The following SYN3 variants were observed in gnomAD, a reference collection of about 807,000 sequenced individuals.
SYN3 encodes the protein synapsin-3.
SYN3 carries 35 observed loss-of-function variants against 65.8 expected under a neutral mutation model. The observed-to-expected ratio is 0.53, with a 90% CI of 0.41 to 0.70. The LOEUF (loss-of-function observed/expected upper bound fraction) is 0.70. SYN3 is among the 30% of genes least tolerant of loss of function. SYN3 has a pLI of 0.00. For missense variants in SYN3, 680 were observed against 749.0 expected, an observed-to-expected ratio of 0.91 and a Z score of 1.08; for synonymous variants, 270 against 292.9, an observed-to-expected ratio of 0.92 and a Z score of 0.80.
At chr22:32,872,690 G>A (rs891566337) in intron 4 of SYN3, among the ~76,000 whole-genome samples, 3 of 152,158 alleles carry the variant, frequency 2.0e-5, no homozygotes, top group Non-Finnish European at 4.4e-5. Context: ...ACTGACTTAA[G>A]CTGGGCAACC....
At position 32,520,306 on chromosome 22, in the gene SYN3, C is replaced by T. The variant is rs868305010; in HGVS notation, c.1319-1972G>A. The stretch of plus-strand genomic sequence containing the variant: ...GCCCAACACCACTTTTTCTTTCTGC[C>T]TTTTTTTTTTTGTAGAGATGGGGTG... On this transcript the variant is annotated intron_variant, in intron 12 of 13. Transcript: ENST00000358763. Among the ~76,000 whole-genome samples the T allele has an allele frequency of 7.5e-3, 1,082 of 145,064 alleles. 13 individuals carry two copies. The highest frequency in any genetic ancestry group is 0.024 in the African/African-American group (968 of 39,900).
chr22:32,636,957 G>A (rs1241970291), intron 6 of SYN3, among the ~76,000 whole-genome samples: 1 of 152,144 alleles, frequency 6.6e-6, no homozygotes, highest in Non-Finnish European at 1.5e-5. Context: ...ATATAGAACA[G>A]ATAAAAGTAA....
chr22:32,738,498 G>A (rs2061362043), intron 6 of SYN3, among the ~76,000 whole-genome samples: 1 of 152,238 alleles, frequency 6.6e-6, no homozygotes, highest in Non-Finnish European at 1.5e-5. Flanking sequence ...TGAATTTGAA[G>A]AAAGTGCTTC....
intron 4 of SYN3, among the ~76,000 whole-genome samples, chr22:32,879,144 G>C (rs1298361179): frequency 6.6e-6 from 1 of 152,128 alleles, no homozygotes; most frequent in Non-Finnish European, 1.5e-5. Context: ...TAAGTGTCTA[G>C]AAACTCTGCA....
Position 32,869,033 on chromosome 22 carries a change from T to C in SYN3, c.554A>G (p.Gln185Arg), listed in dbSNP as rs957827730. Residue 185 changes from glutamine to arginine, a missense_variant, in exon 5 of 14, where the codon CAG (glutamine) becomes CGG (arginine). Coordinates refer to ENST00000358763, the MANE Select transcript of SYN3 (RefSeq NM_003490.4). ...GTTGACAGCAGGCAGCCCTCCATAC[T>C]GCAGGCCGATGACCAGGCTGCGGTA... ...EDYRSLVIGL[Q>R]YGGLPAVNSL... 3 of 1,613,984 alleles carry C rather than the reference T, an allele frequency of 1.9e-6. No individual in the cohort carries two copies. Among genetic ancestry groups the C allele is most frequent in the African/African-American group, 2.7e-5 (2 of 74,912 alleles).
At chr22:32,947,258 C>A (rs2051142108) in intron 3 of SYN3, among the ~76,000 whole-genome samples, 1 of 152,046 alleles carries the variant, frequency 6.6e-6, no homozygotes, top group Admixed American at 6.6e-5. Flanking sequence ...TTTTCTCAAC[C>A]AATGTCCCCT....
chr22:32,689,954 T>C (rs2060640644), intron 6 of SYN3, among the ~76,000 whole-genome samples: 1 of 152,034 alleles, frequency 6.6e-6, no homozygotes, highest in African/African-American at 2.4e-5. Flanking sequence ...GGCAGGAGGA[T>C]TACCTGAGGT....
At position 32,511,994 on chromosome 22, in the gene SYN3, T is replaced by C. The variant is rs778110107; in HGVS notation, c.*1698A>G. On this transcript the variant is annotated 3_prime_UTR_variant, in exon 14 of 14. Transcript: ENST00000358763. Reference sequence around the variant, plus strand: ...GGTGCACAGCTAGCACTTTCAATACTGACCCAGTCTCCAGCCAATAGCCCG... The same window carrying C: ...GGTGCACAGCTAGCACTTTCAATACCGACCCAGTCTCCAGCCAATAGCCCG... Among the ~76,000 whole-genome samples, 1 of 152,194 alleles carries C rather than the reference T, an allele frequency of 6.6e-6. No homozygotes were observed. The highest frequency in any genetic ancestry group is 1.5e-5 in the Non-Finnish European group (1 of 68,024).
At chr22:32,850,937 C>A (rs2048201027) in intron 6 of SYN3, among the ~76,000 whole-genome samples, 1 of 152,168 alleles carries the variant, frequency 6.6e-6, no homozygotes, top group African/African-American at 2.4e-5. Context: ...TGTCCTGAGG[C>A]TGGATGTACT....
At chr22:32,804,685 T>C (rs2046678452) in intron 6 of SYN3, among the ~76,000 whole-genome samples, 1 of 152,186 alleles carries the variant, frequency 6.6e-6, no homozygotes, top group African/African-American at 2.4e-5. Context: ...GGGCCTGGCA[T>C]GGCATTCTGG....
chr22:32,676,710 G>GTTTT (rs130749), intron 6 of SYN3, among the ~76,000 whole-genome samples: 5 of 133,802 alleles, frequency 3.7e-5, no homozygotes, highest in Non-Finnish European at 7.9e-5. Flanking sequence ...TTAATTTTTT[G>GTTTT]TTTTTTTTTT....
chr22:32,751,719 A>G (rs908606773), intron 6 of SYN3, among the ~76,000 whole-genome samples: 1 of 152,182 alleles, frequency 6.6e-6, no homozygotes, highest in African/African-American at 2.4e-5. Flanking sequence ...ACCTTGTGAC[A>G]GGCCCTCTCA....
rs2146021109 is a variant in SYN3 at position 32,508,331 on chromosome 22, C to T, written c.*5361G>A. On this transcript the variant is annotated 3_prime_UTR_variant, in exon 14 of 14. Transcript: ENST00000358763. ...CGCCCCTGCCCACCAGAGAACAACCCCCTTTGCATGTAATTTTCCATTACC... is the reference window on the plus strand; with the variant it reads ...CGCCCCTGCCCACCAGAGAACAACCTCCTTTGCATGTAATTTTCCATTACC... Among the ~76,000 whole-genome samples the T allele has an allele frequency of 6.6e-6, 1 of 152,272 alleles. No individual in the cohort carries two copies.
chr22:32,904,453 G>A (rs1021401563), intron 4 of SYN3, among the ~76,000 whole-genome samples: 4 of 152,108 alleles, frequency 2.6e-5, no homozygotes, highest in East Asian at 1.9e-4. Flanking sequence ...GAAGAAGGTC[G>A]TCTGCTGAAT....
intron 1 of SYN3, among the ~76,000 whole-genome samples, chr22:33,009,220 GTTGT>G (rs1440906599): frequency 1.3e-5 from 2 of 152,060 alleles, no homozygotes; most frequent in Non-Finnish European, 2.9e-5. Flanking sequence ...TCCCATAGTG[GTTGT>G]TTGATTTTGC....
chr22:32,826,752 C>G (rs763452734), intron 6 of SYN3, among the ~76,000 whole-genome samples: 1 of 152,142 alleles, frequency 6.6e-6, no homozygotes, highest in Non-Finnish European at 1.5e-5. Flanking sequence ...TTACCAGGCA[C>G]CAGGGCGTCC....
At chr22:33,024,966 A>G (rs982777084) in intron 1 of SYN3, among the ~76,000 whole-genome samples, 1 of 152,230 alleles carries the variant, frequency 6.6e-6, no homozygotes, top group Non-Finnish European at 1.5e-5. Flanking sequence ...GATTTTAGAA[A>G]GTCCTTGAAA....
intron 3 of SYN3, chr22:32,947,433 T>C (rs1188148044): frequency 2.6e-5 from 4 of 152,232 alleles, no homozygotes; most frequent in Non-Finnish European, 5.9e-5. Flanking sequence ...TTTTATATTT[T>C]ACAGATGAAT....
At chr22:32,624,391 T>A (rs1482485024) in intron 6 of SYN3, among the ~76,000 whole-genome samples, 4 of 152,210 alleles carry the variant, frequency 2.6e-5, no homozygotes, top group Admixed American at 2.0e-4. Flanking sequence ...GCTGAACTGA[T>A]GGTCGGTGGA....
Sources: allele counts gnomAD v4.1 joint callset (sites outside exome capture counted in the v4.1 genomes callset), GRCh38; gene constraint gnomAD v4.1.1; transcripts MANE v1.5; gene names NCBI Gene and HGNC (gene_info 2026-07-23, HGNC 2026-07-21).